HDAC9: variants seen among roughly 807,000 people sequenced by gnomAD.
HDAC9 encodes MEF-2 interacting transcription repressor (MITR) protein.
In HDAC9, 41 loss-of-function variants were observed where a neutral mutation model predicts 139.4. The observed-to-expected ratio is 0.29, with a 90% confidence interval of 0.23 to 0.38. The LOEUF is 0.38. Among genes scored for constraint, HDAC9 ranks in the 10% least tolerant of loss-of-function variants. The pLI, the probability that HDAC9 is intolerant of heterozygous loss-of-function variation, is 1.00. For missense variants in HDAC9, 1,147 were observed against 1,297.0 expected (o/e 0.88, Z 1.78); for synonymous variants, 517 against 476.2 (o/e 1.09, Z -1.12).
At chr7:18,705,889 G>C (rs552767668) in intron 12 of HDAC9, among the ~76,000 whole-genome samples, 2 of 140,912 alleles carry the variant, frequency 1.4e-5, no homozygotes, top group South Asian at 4.7e-4. Flanking sequence ...TAAAAGAAAT[G>C]GTTCAGACCC....
At chr7:18,368,886 C>G (rs899858687) in intron 1 of HDAC9, among the ~76,000 whole-genome samples, 1 of 151,944 alleles carries the variant, frequency 6.6e-6, no homozygotes, top group East Asian at 1.9e-4. Context: ...CAGCCTGATG[C>G]TTGAATATAT....
At chr7:18,944,465 A>C (rs921347717) in intron 23 of HDAC9, among the ~76,000 whole-genome samples, 2 of 152,200 alleles carry the variant, frequency 1.3e-5, no homozygotes, top group African/African-American at 4.8e-5. Context: ...TGGAAAGAAC[A>C]TGAACTCAAG....
intron 1 of HDAC9, among the ~76,000 whole-genome samples, chr7:18,349,432 T>C (rs539170237): frequency 5.9e-5 from 9 of 151,986 alleles, no homozygotes; most frequent in African/African-American, 2.2e-4. Flanking sequence ...CATCTTAACA[T>C]CTAATATAGT....
Position 18,910,382 on chromosome 7 carries a change from A to AT in HDAC9, c.2804-25421dup, listed in dbSNP as rs747730157. ...CTATTGGTATACAGAAAGATTACTG[A>AT]TTTTTTGTAGGTTGATTTTGTATCT... On this transcript the variant is annotated intron_variant, in intron 22 of 25. Transcript: ENST00000686413. Among the ~76,000 whole-genome samples the AT allele has an allele frequency of 9.2e-5, 14 of 151,912 alleles. No individual in the cohort carries two copies. The East Asian group carries it at 2.7e-3, about 29-fold the overall frequency.
intron 22 of HDAC9, among the ~76,000 whole-genome samples, chr7:18,880,153 A>T (rs541576541): frequency 6.6e-6 from 1 of 152,278 alleles, no homozygotes; most frequent in South Asian, 2.1e-4. Flanking sequence ...AAAGTCAAAA[A>T]ATAACAGGTG....
At chr7:18,993,129 A>C (rs139377627) in intron 25 of HDAC9, among the ~76,000 whole-genome samples, 192 of 151,092 alleles carry the variant, frequency 1.3e-3, no homozygotes, top group African/African-American at 4.5e-3. Flanking sequence ...TTTTTTAAAA[A>C]TGTAGACATA....
chr7:18,785,962 C>T (rs899769225), intron 16 of HDAC9, among the ~76,000 whole-genome samples: 2 of 151,560 alleles, frequency 1.3e-5, no homozygotes, highest in Non-Finnish European at 2.9e-5. Context: ...AATTGCTAGA[C>T]AATAATATTA....
chr7:18,996,090 T>G lies in HDAC9; in HGVS notation c.*28T>G, dbSNP rs928028837. On this transcript the variant is annotated 3_prime_UTR_variant, in exon 26 of 26. Transcript: ENST00000686413. ...TGCCAAGTCCCCCTCTGATATTTCC[T>G]GTGTGTGACATCATTGTGTATCCCC... 14 of 1,567,914 alleles carry G rather than the reference T, an allele frequency of 8.9e-6. No individual in the cohort carries two copies. The Admixed American group carries it at 2.4e-4, about 27-fold the overall frequency.
intron 8 of HDAC9, among the ~76,000 whole-genome samples, chr7:18,640,998 A>G (rs779156417): frequency 1.1e-4 from 16 of 152,210 alleles, no homozygotes; most frequent in Non-Finnish European, 2.2e-4. Context: ...GAATTGCTGT[A>G]CCAGACTACT....
At position 18,954,159 on chromosome 7, in the gene HDAC9, C is replaced by A; in HGVS notation, c.2951C>A (p.Ala984Glu). ...ALLGNELEPL[A>E]EDILHQSPNM... is the part of the protein sequence containing the mutation. ...CTATTCTTGCAGCTGGAGCCACTTG[C>A]AGAAGATATTCTCCACCAAAGCCCG... is the stretch of plus-strand genomic sequence containing the variant. Residue 984 changes from alanine to glutamate, a missense_variant, in exon 24 of 26, where the codon GCA becomes GAA. By Grantham distance (107) the Ala-to-Glu change is moderately radical. Coordinates refer to ENST00000686413, the MANE Select transcript of HDAC9 (RefSeq NM_178425.4). 1 of 1,568,478 alleles carries A rather than the reference C, an allele frequency of 6.4e-7. No individual in the cohort carries two copies. The highest frequency in any genetic ancestry group is 1.4e-5 in the African/African-American group (1 of 73,946).
At chr7:18,453,012 T>G (rs1344257254) in intron 1 of HDAC9, among the ~76,000 whole-genome samples, 1 of 152,166 alleles carries the variant, frequency 6.6e-6, no homozygotes, top group Non-Finnish European at 1.5e-5. Flanking sequence ...CAATGTAAGT[T>G]TACCATGATT....
In HDAC9 at chr7:18,999,041, T is replaced by C. The variant is rs1428341448; in HGVS notation, c.*2979T>C. 2.0e-5 allele frequency: 3 copies of C among 152,158 alleles called. No homozygotes were observed. Among genetic ancestry groups the C allele is most frequent in the African/African-American group, 7.2e-5 (3 of 41,444 alleles). 9.4% of individuals were successfully genotyped at this position (152,158 alleles called of 1,614,324 possible). On this transcript the variant is annotated 3_prime_UTR_variant, in exon 26 of 26. Transcript: ENST00000686413. The stretch of plus-strand genomic sequence containing the variant: ...CATTGCTTAGTAAATGGAAAGAACA[T>C]TGTGAGATGAACTATCTTTAAATAT...
At position 18,234,247 on chromosome 7, in the gene HDAC9, C is replaced by T. The variant is rs1222203780; in HGVS notation, c.25+71898C>T. 2.0e-5 allele frequency among the ~76,000 whole-genome samples: 3 copies of T among 152,240 alleles called. No homozygotes were observed. In the East Asian group the frequency reaches 5.8e-4, roughly 29 times the overall value. On this transcript the variant is annotated intron_variant, in intron 2 of 12. Coordinates refer to the HDAC9 transcript ENST00000417496. ...CCAAGAACACATCTTGGATGCTTCC[C>T]TCAAGGGTCTTAGGTGTAGTTGGGG...
intron 15 of HDAC9, among the ~76,000 whole-genome samples, 177 bp from the exon 16 acceptor site, chr7:18,766,929 C>T (rs1789878934): frequency 6.6e-6 from 1 of 152,086 alleles, no homozygotes; most frequent in African/African-American, 2.4e-5. Context: ...TACAGATAGG[C>T]AGAACAATGA....
At chr7:18,630,249 T>C (rs747313277) in intron 7 of HDAC9, among the ~76,000 whole-genome samples, 45 of 152,220 alleles carry the variant, frequency 3.0e-4, no homozygotes, top group Non-Finnish European at 5.7e-4. Context: ...TATCTAGTTG[T>C]TTCCTTTGGT....
rs1014868532 is a variant in HDAC9 at position 18,507,284 on chromosome 7, G to A, written c.22+10960G>A. Among the ~76,000 whole-genome samples, 6 of 150,850 alleles carry A rather than the reference G, an allele frequency of 4.0e-5. No individual in the cohort carries two copies. In the East Asian group the frequency reaches 7.7e-4, roughly 19 times the overall value. Reference sequence around the variant, plus strand: ...CGGCTCACTGCAAGCTCCACCTCCCGGGTTCACACCAATCTCCCACCTCAG... The same window carrying A: ...CGGCTCACTGCAAGCTCCACCTCCCAGGTTCACACCAATCTCCCACCTCAG... On this transcript the variant is annotated intron_variant, in intron 2 of 25. Coordinates refer to ENST00000686413, the MANE Select transcript of HDAC9 (RefSeq NM_178425.4).
intron 2 of HDAC9, among the ~76,000 whole-genome samples, chr7:18,515,663 G>A (rs1438135711): frequency 1.3e-5 from 2 of 152,192 alleles, no homozygotes; most frequent in Non-Finnish European, 2.9e-5. Flanking sequence ...ACATTCATTA[G>A]CATTTAAAGG....
At chr7:18,660,163 T>C (rs1792667267) in intron 11 of HDAC9, among the ~76,000 whole-genome samples, 1 of 152,186 alleles carries the variant, frequency 6.6e-6, no homozygotes, top group Non-Finnish European at 1.5e-5. Context: ...GTGACTTTTG[T>C]TTGTAAGTTT....
intron 2 of HDAC9, among the ~76,000 whole-genome samples, chr7:18,529,840 C>T (rs77417182): frequency 0.018 from 2,714 of 152,138 alleles, 77 homozygotes; most frequent in African/African-American, 0.062. Flanking sequence ...TCATGATTTT[C>T]CATGACATTC....
Sources: gnomAD v4.1 joint callset for allele counts (sites outside exome capture counted in the v4.1 genomes callset) on GRCh38, gnomAD v4.1.1 for gene constraint, MANE v1.5 for transcripts, NCBI Gene and HGNC (gene_info 2026-07-23, HGNC 2026-07-21) for gene names.